The following RTL4 variants were observed in gnomAD, a reference collection of about 807,000 sequenced individuals.
The protein encoded by RTL4 is retrotransposon Gag like 4, also known as retrotransposon Gag-like protein 4.
RTL4 carries 4 observed loss-of-function variants against 5.3 expected under a neutral mutation model. The ratio of observed to expected loss-of-function variants is 0.75; its 90% CI spans 0.37 to 1.72. RTL4 has a LOEUF of 1.72. Among genes scored for constraint, RTL4 ranks in the 40% most tolerant of loss-of-function variants. The pLI is 0.04. For synonymous variants in RTL4, 98 were observed against 87.3 expected, an observed-to-expected ratio of 1.12 and a Z score of -0.68; for missense variants, 260 against 227.1, an observed-to-expected ratio of 1.14 and a Z score of -0.93.
chrX:112,195,589 G>A, the RTL4 span, among the ~76,000 whole-genome samples: 1 of 111,418 alleles, frequency 9.0e-6, no homozygotes, highest in Non-Finnish European at 1.9e-5. Flanking sequence ...CACTACGGCT[G>A]TGAAGTACTG....
At chrX:112,230,025 G>A in the RTL4 span, among the ~76,000 whole-genome samples, 328 of 112,436 alleles carry the variant, frequency 2.9e-3, 1 homozygote, top group East Asian at 0.011. Context: ...CTCCAGCTGC[G>A]TGCTGGGAGA....
At chrX:112,418,203 T>C in the RTL4 span, among the ~76,000 whole-genome samples, 1 of 111,716 alleles carries the variant, frequency 9.0e-6, no homozygotes, top group Non-Finnish European at 1.9e-5. Context: ...GTTACACAAG[T>C]ATGTGAATGT....
At chrX:112,201,691 T>C in the RTL4 span, among the ~76,000 whole-genome samples, 1 of 110,930 alleles carries the variant, frequency 9.0e-6, no homozygotes. Context: ...AGAGCCTCCT[T>C]TTGTGTGAGA....
the RTL4 span, among the ~76,000 whole-genome samples, chrX:112,188,833 G>A: frequency 9.0e-6 from 1 of 110,555 alleles, no homozygotes; most frequent in African/African-American, 3.3e-5. Context: ...GTCGGAGTTG[G>A]GAAAGCATTT....
the RTL4 span, among the ~76,000 whole-genome samples, chrX:112,263,427 A>G: frequency 9.0e-6 from 1 of 111,178 alleles, no homozygotes; most frequent in Non-Finnish European, 1.9e-5. Flanking sequence ...AGAAGACTTC[A>G]AAGAAGTCAA....
At chrX:112,358,867 G>T in the RTL4 span, among the ~76,000 whole-genome samples, 1 of 111,964 alleles carries the variant, frequency 8.9e-6, no homozygotes, top group Non-Finnish European at 1.9e-5. Context: ...AGGGGAATAA[G>T]ATTTGGTGAT....
the RTL4 span, among the ~76,000 whole-genome samples, chrX:112,180,496 A>G: frequency 6.4e-3 from 715 of 112,326 alleles, 7 homozygotes; most frequent in African/African-American, 0.022. Flanking sequence ...AAGGCCACTT[A>G]CAAGGGGTTA....
At chrX:112,445,950 T>G in the RTL4 span, among the ~76,000 whole-genome samples, 1 of 112,128 alleles carries the variant, frequency 8.9e-6, no homozygotes, top group Non-Finnish European at 1.9e-5. Context: ...CCAACCTGTA[T>G]CTGTCCCAAT....
chrX:112,135,039 G>T, the RTL4 span, among the ~76,000 whole-genome samples: 1 of 111,961 alleles, frequency 8.9e-6, no homozygotes, highest in African/African-American at 3.2e-5. Context: ...GTAAAGACAT[G>T]CTCTCCTTTC....
At chrX:112,242,487 G>C in the RTL4 span, among the ~76,000 whole-genome samples, 4 of 111,123 alleles carry the variant, frequency 3.6e-5, no homozygotes, top group Admixed American at 9.6e-5. Context: ...TCATAATTTG[G>C]CACTCTGTTT....
At chrX:112,159,200 C>G in the RTL4 span, among the ~76,000 whole-genome samples, 6 of 112,409 alleles carry the variant, frequency 5.3e-5, no homozygotes, top group African/African-American at 1.6e-4. Context: ...GCAATATCTT[C>G]TAATGAGATT....
At chrX:112,149,921 CCTTT>C in the RTL4 span, among the ~76,000 whole-genome samples, 2 of 111,379 alleles carry the variant, frequency 1.8e-5, no homozygotes, top group Non-Finnish European at 3.8e-5. Flanking sequence ...ACAGAAAAGC[CCTTT>C]CTAAGAAGGT....
the RTL4 span, among the ~76,000 whole-genome samples, chrX:112,193,552 A>T: frequency 9.0e-6 from 1 of 111,336 alleles, no homozygotes; most frequent in South Asian, 3.8e-4. Context: ...TAGATCCCTG[A>T]GTTTATCCTT....
the RTL4 span, among the ~76,000 whole-genome samples, chrX:112,362,298 C>A: frequency 8.9e-6 from 1 of 111,773 alleles, no homozygotes; most frequent in Non-Finnish European, 1.9e-5. Flanking sequence ...CATTATGGAG[C>A]TTTCATGTAG....
the RTL4 span, among the ~76,000 whole-genome samples, chrX:112,245,453 A>G: frequency 3.6e-5 from 4 of 110,939 alleles, no homozygotes; most frequent in South Asian, 1.6e-3. Flanking sequence ...TTTGATCTTC[A>G]ATCACTGATA....
the RTL4 span, among the ~76,000 whole-genome samples, chrX:112,411,558 T>C: frequency 9.0e-6 from 1 of 111,203 alleles, no homozygotes; most frequent in Admixed American, 9.6e-5. Context: ...CATATGCAAA[T>C]CAATCAGTGT....
chrX:112,396,672 AC>A, the RTL4 span, among the ~76,000 whole-genome samples: 1 of 110,224 alleles, frequency 9.1e-6, no homozygotes, highest in Non-Finnish European at 1.9e-5. Flanking sequence ...AACTAATGAA[AC>A]AATATTGACG....
the RTL4 span, among the ~76,000 whole-genome samples, chrX:112,161,788 TCTTCCTTC>T: frequency 0.054 from 4,084 of 75,368 alleles, 254 homozygotes; most frequent in Middle Eastern, 0.069. Context: ...AGGTTGCTTT[TCTTCCTTC>T]CTTCCTTCCT....
chrX:112,210,356 T>C, the RTL4 span, among the ~76,000 whole-genome samples: 1 of 112,114 alleles, frequency 8.9e-6, no homozygotes, highest in Non-Finnish European at 1.9e-5. Flanking sequence ...CTTCCTCACG[T>C]ACAAAATGAG....
Sources: allele counts gnomAD v4.1 joint callset (sites outside exome capture counted in the v4.1 genomes callset), GRCh38; gene constraint gnomAD v4.1.1; transcripts MANE v1.5; gene names NCBI Gene and HGNC (gene_info 2026-07-23, HGNC 2026-07-21).